GHR: variants seen among roughly 807,000 people sequenced by gnomAD.
GHR encodes the protein growth hormone receptor, also known as GH receptor.
A neutral mutation model predicts 67.1 loss-of-function variants in GHR; 35 were observed. The ratio of observed to expected loss-of-function variants is 0.52; its 90% CI spans 0.40 to 0.69. The LOEUF (loss-of-function observed/expected upper bound fraction) is 0.69, where lower values mean the gene tolerates loss of function less well. GHR is among the 30% of genes least tolerant of loss of function. The pLI is 0.00. For synonymous variants in GHR, 272 were observed against 269.1 expected (o/e 1.01, Z -0.10); for missense variants, 792 against 764.6 (o/e 1.04, Z -0.42).
intron 3 of GHR, among the ~76,000 whole-genome samples, chr5:42,671,503 T>G (rs1756296912): frequency 6.6e-6 from 1 of 151,934 alleles, no homozygotes; most frequent in African/African-American, 2.4e-5. Context: ...GTAGGCTTCC[T>G]TCTTGGGATT....
chr5:42,484,113 A>T (rs1293071324), intron 1 of GHR, among the ~76,000 whole-genome samples: 1 of 152,170 alleles, frequency 6.6e-6, no homozygotes, highest in Non-Finnish European at 1.5e-5. Context: ...TATCATAAAC[A>T]CTTTGCCTTG....
intron 3 of GHR, among the ~76,000 whole-genome samples, chr5:42,644,209 T>C (rs1321842083): frequency 6.6e-6 from 1 of 152,196 alleles, no homozygotes; most frequent in African/African-American, 2.4e-5. Flanking sequence ...TGTCTCCTGA[T>C]ACTTAAAATA....
At chr5:42,503,852 G>T (rs1218313270) in intron 1 of GHR, among the ~76,000 whole-genome samples, 2 of 152,126 alleles carry the variant, frequency 1.3e-5, no homozygotes, top group Non-Finnish European at 2.9e-5. Flanking sequence ...ATATCTGGGG[G>T]AAGATGTCAG....
chr5:42,643,365 A>G (rs1028507666), intron 3 of GHR, among the ~76,000 whole-genome samples: 11 of 152,194 alleles, frequency 7.2e-5, no homozygotes, highest in South Asian at 2.1e-4. Flanking sequence ...GAAATACTTG[A>G]CCAGGGAACT....
At chr5:42,571,133 T>G (rs1008779588) in intron 2 of GHR, among the ~76,000 whole-genome samples, 8 of 152,240 alleles carry the variant, frequency 5.3e-5, no homozygotes, top group African/African-American at 1.9e-4. Flanking sequence ...AGTGAAGTCC[T>G]GGTGCACAGT....
chr5:42,449,330 C>T (rs974223352), intron 1 of GHR, among the ~76,000 whole-genome samples: 16 of 152,090 alleles, frequency 1.1e-4, no homozygotes, highest in Admixed American at 4.6e-4. Flanking sequence ...TTGTAGTTTT[C>T]CTTGTAGAGA....
At chr5:42,484,278 G>A (rs893105491) in intron 1 of GHR, among the ~76,000 whole-genome samples, 7 of 152,186 alleles carry the variant, frequency 4.6e-5, no homozygotes, top group Admixed American at 1.3e-4. Context: ...ACTCATGTGT[G>A]TGGTGTCTAA....
intron 1 of GHR, among the ~76,000 whole-genome samples, chr5:42,553,453 C>T (rs1232752838): frequency 1.3e-5 from 2 of 152,054 alleles, no homozygotes; most frequent in African/African-American, 4.8e-5. Context: ...TTCTATGTAC[C>T]CCCTTCCAGC....
rs147369309 is a variant in GHR at position 42,541,964 on chromosome 5, A to G, written c.-11-23900A>G. 5.3e-4 allele frequency among the ~76,000 whole-genome samples: 81 copies of G among 152,318 alleles called. 1 individual carries two copies. The highest frequency in any genetic ancestry group is 1.9e-3 in the African/African-American group (81 of 41,584). ...CTATAAAACATTCAAAGAAATTATT[A>G]AATAGTGAACTGGATATATGAGCCT... On this transcript the variant is annotated intron_variant, in intron 1 of 9. Coordinates refer to ENST00000230882, the MANE Select transcript of GHR (RefSeq NM_000163.5).
chr5:42,465,688 G>A, intron 1 of GHR: 1 of 851,378 alleles, frequency 1.2e-6, no homozygotes, highest in Non-Finnish European at 2.1e-6. Context: ...CGTGCTTCAG[G>A]CCACTGTAAT....
chr5:42,641,899 G>C (rs576645184), intron 3 of GHR, among the ~76,000 whole-genome samples: 1 of 152,210 alleles, frequency 6.6e-6, no homozygotes, highest in South Asian at 2.1e-4. Flanking sequence ...TAAAGAGTGG[G>C]TGCCTAATTG....
chr5:42,505,813 T>C (rs1291771773), intron 1 of GHR, among the ~76,000 whole-genome samples: 2 of 152,334 alleles, frequency 1.3e-5, no homozygotes, highest in East Asian at 3.9e-4. Context: ...TATTATTATT[T>C]ATTGGACATA....
intron 2 of GHR, among the ~76,000 whole-genome samples, chr5:42,567,561 C>T (rs1019074237): frequency 3.3e-5 from 5 of 151,738 alleles, no homozygotes; most frequent in South Asian, 2.1e-4. Flanking sequence ...CCAGTACTTA[C>T]GCATAAGAAG....
At chr5:42,676,840 A>G (rs1756596446) in intron 3 of GHR, among the ~76,000 whole-genome samples, 1 of 152,160 alleles carries the variant, frequency 6.6e-6, no homozygotes, top group Non-Finnish European at 1.5e-5. Flanking sequence ...ATATGACAAG[A>G]GTACTTTGGA....
intron 1 of GHR, among the ~76,000 whole-genome samples, chr5:42,455,621 T>G (rs1048520131): frequency 4.6e-5 from 7 of 152,216 alleles, no homozygotes; most frequent in African/African-American, 1.7e-4. Context: ...TTTACTGAGG[T>G]GCTAAAAGTA....
intron 3 of GHR, among the ~76,000 whole-genome samples, chr5:42,660,615 C>G (rs950943362): frequency 1.3e-5 from 2 of 152,118 alleles, no homozygotes; most frequent in African/African-American, 4.8e-5. Flanking sequence ...ATCTGTACAT[C>G]ACCATCATCA....
At chr5:42,535,998 T>C (rs541764862) in intron 1 of GHR, among the ~76,000 whole-genome samples, 8 of 152,292 alleles carry the variant, frequency 5.3e-5, no homozygotes, top group African/African-American at 1.7e-4. Context: ...GCTACTGATT[T>C]GTGTACATTA....
intron 1 of GHR, among the ~76,000 whole-genome samples, chr5:42,491,653 T>C (rs1038918920): frequency 3.3e-5 from 5 of 152,220 alleles, no homozygotes; most frequent in Admixed American, 6.5e-5. Context: ...AGAACAGGCA[T>C]ACCTTATTGT....
chr5:42,708,440 A>C (rs1758288423), intron 6 of GHR, among the ~76,000 whole-genome samples: 1 of 152,134 alleles, frequency 6.6e-6, no homozygotes, highest in Admixed American at 6.6e-5. Flanking sequence ...AAAGTACAAT[A>C]ATTTTTATGA....
Sources: allele counts gnomAD v4.1 joint callset (sites outside exome capture counted in the v4.1 genomes callset), GRCh38; gene constraint gnomAD v4.1.1; transcripts MANE v1.5; gene names NCBI Gene and HGNC (gene_info 2026-07-23, HGNC 2026-07-21).